DGKB: variants seen among roughly 807,000 people sequenced by gnomAD.
DGKB encodes diacylglycerol kinase beta.
In DGKB, 67 loss-of-function variants were observed where a neutral mutation model predicts 114.3. That is an observed-to-expected ratio of 0.59 (90% CI 0.48 to 0.72). DGKB has a LOEUF of 0.72. Ranked by LOEUF, DGKB falls within the 30% of genes least tolerant of loss-of-function variation. The pLI is 0.00. For synonymous variants in DGKB, 398 were observed against 323.1 expected, an observed-to-expected ratio of 1.23 and a Z score of -2.49; for missense variants, 907 against 975.2, an observed-to-expected ratio of 0.93 and a Z score of 0.93.
chr7:14,728,838 G>C (rs1486923571), intron 5 of DGKB, among the ~76,000 whole-genome samples: 1 of 151,752 alleles, frequency 6.6e-6, no homozygotes, highest in Non-Finnish European at 1.5e-5. Context: ...GAGTAACTAG[G>C]ATTACAGGTG....
intron 4 of DGKB, among the ~76,000 whole-genome samples, chr7:14,742,089 A>T (rs546452340): frequency 1.4e-4 from 22 of 152,304 alleles, no homozygotes; most frequent in African/African-American, 5.1e-4. Flanking sequence ...AATGGAAAAG[A>T]TATAATGTAT....
intron 17 of DGKB, among the ~76,000 whole-genome samples, chr7:14,599,209 T>C (rs1803112175): frequency 1.3e-5 from 2 of 152,160 alleles, no homozygotes; most frequent in South Asian, 4.1e-4. Flanking sequence ...TTAATAGCAA[T>C]ACTTAAAATA....
intron 21 of DGKB, among the ~76,000 whole-genome samples, chr7:14,409,226 G>A (rs550828264): frequency 1.3e-5 from 2 of 152,168 alleles, no homozygotes; most frequent in East Asian, 1.9e-4. Context: ...TAATCATCCC[G>A]AGGGAGCAGT....
intron 23 of DGKB, among the ~76,000 whole-genome samples, chr7:14,302,490 G>T (rs1042004300): frequency 6.6e-6 from 1 of 151,982 alleles, no homozygotes; most frequent in African/African-American, 2.4e-5. Flanking sequence ...CTACCTCCCT[G>T]TTCTCATCTG....
rs181661432 is a variant in DGKB, at chr7:14,270,133, A to G, written c.2122+68382T>C. Among the ~76,000 whole-genome samples the G allele has an allele frequency of 2.9e-3, 435 of 151,706 alleles. 1 individual carries two copies. Among genetic ancestry groups the G allele is most frequent in the Non-Finnish European group, 5.0e-3 (339 of 67,936 alleles). On this transcript the variant is annotated intron_variant, in intron 23 of 25. Transcript: ENST00000402815. Reference sequence around the variant, plus strand: ...GGAGTTTTATATATAATGTGCATGTAAGATGGTAGTAGAAACAGAAAAGTA... The same window carrying G: ...GGAGTTTTATATATAATGTGCATGTGAGATGGTAGTAGAAACAGAAAAGTA...
At chr7:14,566,101 A>T (rs1187686674) in intron 20 of DGKB, among the ~76,000 whole-genome samples, 4 of 152,140 alleles carry the variant, frequency 2.6e-5, no homozygotes, top group African/African-American at 9.6e-5. Flanking sequence ...TATAATTGGA[A>T]AGTATAATTT....
intron 13 of DGKB, among the ~76,000 whole-genome samples, chr7:14,658,143 T>C (rs1293372178): frequency 6.6e-6 from 1 of 151,894 alleles, no homozygotes; most frequent in Non-Finnish European, 1.5e-5. Flanking sequence ...CATATGGTTT[T>C]CTGAGGGTGT....
intron 20 of DGKB, among the ~76,000 whole-genome samples, chr7:14,481,782 C>T (rs982515244): frequency 2.6e-5 from 4 of 151,880 alleles, no homozygotes; most frequent in African/African-American, 4.8e-5. Context: ...TTCTTTTTCT[C>T]AAAAATTGTA....
At chr7:14,267,034 C>T (rs954634864) in intron 23 of DGKB, among the ~76,000 whole-genome samples, 30 of 152,128 alleles carry the variant, frequency 2.0e-4, no homozygotes, top group African/African-American at 6.8e-4. Context: ...GTCTATGATA[C>T]GTGAAAGATG....
At chr7:14,588,593 C>T (rs990687899) in intron 17 of DGKB, among the ~76,000 whole-genome samples, 1 of 152,142 alleles carries the variant, frequency 6.6e-6, no homozygotes, top group Non-Finnish European at 1.5e-5. Context: ...TCCTTTCTTA[C>T]TCCCTTTCAT....
chr7:14,254,411 C>T (rs1468914978), intron 23 of DGKB, among the ~76,000 whole-genome samples: 3 of 152,004 alleles, frequency 2.0e-5, no homozygotes, highest in African/African-American at 7.3e-5. Context: ...AGAATTTATC[C>T]TCATTAATGA....
intron 21 of DGKB, among the ~76,000 whole-genome samples, chr7:14,439,322 A>G (rs1829734446): frequency 6.6e-6 from 1 of 152,180 alleles, no homozygotes; most frequent in African/African-American, 2.4e-5. Flanking sequence ...AAGGAAATAC[A>G]AATAGAAATA....
chr7:14,501,254 G>A (rs2128954857), intron 20 of DGKB, among the ~76,000 whole-genome samples: 1 of 152,016 alleles, frequency 6.6e-6, no homozygotes, highest in East Asian at 1.9e-4. Context: ...GAACTCTTAA[G>A]AGAATGCTTT....
At chr7:14,267,662 G>C (rs1372669506) in intron 23 of DGKB, among the ~76,000 whole-genome samples, 3 of 151,580 alleles carry the variant, frequency 2.0e-5, no homozygotes, top group Non-Finnish European at 1.5e-5. Context: ...CTAATTTTTT[G>C]TATTTTTTAG....
intron 1 of DGKB, among the ~76,000 whole-genome samples, chr7:14,901,153 T>C (rs1299527464): frequency 6.6e-6 from 1 of 152,146 alleles, no homozygotes. Context: ...ACTCCAACAA[T>C]GCCAAAAAAT....
intron 1 of DGKB, among the ~76,000 whole-genome samples, chr7:14,845,515 C>A (rs1562700350): frequency 6.6e-6 from 1 of 152,142 alleles, no homozygotes; most frequent in Non-Finnish European, 1.5e-5. Context: ...TTAGATTCTG[C>A]ATCACCATCC....
chr7:14,356,352 C>CTTTTTTTTTT lies in DGKB; in HGVS notation c.1836-10971_1836-10962dup, dbSNP rs997102742. 3.6e-4 allele frequency among the ~76,000 whole-genome samples: 28 copies of CTTTTTTTTTT among 77,224 alleles called. 2 individuals are homozygous for CTTTTTTTTTT. The highest frequency in any genetic ancestry group is 4.9e-4 in the Non-Finnish European group (19 of 39,064). The allele number at this position is 77,224 out of a possible 152,430, so 50.7% of individuals were successfully genotyped here. ...TTTGTTTGCTCTTGCTTCTCTAGTT[C>CTTTTTTTTTT]TTTTTTTTTTTTTTTTTTTTTTTTT... is the stretch of plus-strand genomic sequence containing the variant. On this transcript the variant is annotated intron_variant, in intron 21 of 25. Coordinates refer to ENST00000402815, the MANE Select transcript of DGKB (RefSeq NM_001350709.2).
intron 2 of DGKB, among the ~76,000 whole-genome samples, chr7:14,813,147 T>A (rs948342458): frequency 6.6e-6 from 1 of 152,224 alleles, no homozygotes; most frequent in Non-Finnish European, 1.5e-5. Flanking sequence ...GTAATTTTAT[T>A]AATAACCAGA....
rs983115765 is a variant in DGKB, at chr7:14,361,369, A to G, written c.1836-15978T>C. Among the ~76,000 whole-genome samples the G allele has an allele frequency of 2.6e-5, 4 of 152,064 alleles. No individual in the cohort carries two copies. The South Asian group carries it at 8.3e-4, about 31-fold the overall frequency. ...GGGCTACTTGAATTATATTGAAAAT[A>G]TTGATATTTTTAATCAAATTGAATA... is the stretch of plus-strand genomic sequence containing the variant. On this transcript the variant is annotated intron_variant, in intron 21 of 25. Transcript: ENST00000402815.
Sources: allele counts gnomAD v4.1 joint callset (sites outside exome capture counted in the v4.1 genomes callset), GRCh38; gene constraint gnomAD v4.1.1; transcripts MANE v1.5; gene names NCBI Gene and HGNC (gene_info 2026-07-23, HGNC 2026-07-21).